PDE8B: variants seen among roughly 807,000 people sequenced by gnomAD.
The protein encoded by PDE8B is phosphodiesterase 8B, also known as high affinity cAMP-specific and IBMX-insensitive 3',5'-cyclic phosphodiesterase 8B.
PDE8B carries 26 observed loss-of-function variants against 101.3 expected under a neutral mutation model. That is an observed-to-expected ratio of 0.26 (90% CI 0.19 to 0.36). The LOEUF (loss-of-function observed/expected upper bound fraction) is 0.36, where lower values mean the gene tolerates loss of function less well. Among genes scored for constraint, PDE8B ranks in the 10% least tolerant of loss-of-function variants. The probability of loss-of-function intolerance (pLI) is 1.00; values close to 1 mark genes in which losing one functional copy is unlikely to be tolerated. For missense variants in PDE8B, 810 were observed against 1,163.1 expected, an observed-to-expected ratio of 0.70 and a Z score of 4.42; for synonymous variants, 424 against 429.3, an observed-to-expected ratio of 0.99 and a Z score of 0.15.
the PDE8B span, among the ~76,000 whole-genome samples, chr5:77,187,872 A>G: frequency 6.6e-6 from 1 of 152,230 alleles, no homozygotes; most frequent in Non-Finnish European, 1.5e-5. Context: ...CATTGTAAAT[A>G]TTACTCCTTT....
chr5:77,244,571 G>A (rs184410648), intron 1 of PDE8B, among the ~76,000 whole-genome samples: 55 of 152,222 alleles, frequency 3.6e-4, no homozygotes, highest in Non-Finnish European at 6.8e-4. Flanking sequence ...AGAAAGCAGA[G>A]ACTTTGAAAT....
At chr5:77,113,616 GACT>G in the PDE8B span, 3 of 152,186 alleles carry the variant, frequency 2.0e-5, no homozygotes, top group East Asian at 5.8e-4. Context: ...AAGACTTCAT[GACT>G]ACAACACCAA....
the PDE8B span, among the ~76,000 whole-genome samples, chr5:77,150,013 T>G: frequency 6.6e-6 from 1 of 152,204 alleles, no homozygotes. Flanking sequence ...GTGGGGTAAA[T>G]TCTTCCAGAC....
At chr5:77,145,595 CTTAA>C in the PDE8B span, 9 of 152,164 alleles carry the variant, frequency 5.9e-5, no homozygotes, top group Admixed American at 5.9e-4. Flanking sequence ...CTTTTGGAAG[CTTAA>C]TTGAGTTATC....
At chr5:77,282,022 A>G (rs1435795739) in intron 1 of PDE8B, among the ~76,000 whole-genome samples, 1 of 152,082 alleles carries the variant, frequency 6.6e-6, no homozygotes, top group African/African-American at 2.4e-5. Flanking sequence ...ATACTATCCC[A>G]TTTAACAGTC....
At chr5:77,384,361 GC>G (rs1289595655) in intron 10 of PDE8B, among the ~76,000 whole-genome samples, 1 of 152,168 alleles carries the variant, frequency 6.6e-6, no homozygotes, top group African/African-American at 2.4e-5. Context: ...TTGCTTATCA[GC>G]TTAAGGAGAT....
At position 77,408,931 on chromosome 5, in the gene PDE8B, A is replaced by C; in HGVS notation, c.1404A>C (p.Pro468=). 1 of 1,613,700 alleles carries C rather than the reference A, an allele frequency of 6.2e-7. No individual in the cohort carries two copies. The change falls in exon 14 of 22, where the codon CCA becomes CCC. Residue 468 remains proline, a synonymous_variant. Transcript: ENST00000264917. ...TCAATGCAGCCCAAGAAAACAGCCC[A>C]GTCACAGTAGCGGAAGCCTTGGACA... is the stretch of plus-strand genomic sequence containing the variant. ...NIINAAQENS[P]VTVAEALDRV...
chr5:77,388,722 A>G (rs569995261), intron 10 of PDE8B, among the ~76,000 whole-genome samples: 21 of 152,240 alleles, frequency 1.4e-4, no homozygotes, highest in African/African-American at 4.8e-4. Flanking sequence ...GGTTTTATCT[A>G]TAAGTCCCTG....
At chr5:77,238,084 A>T (rs1202481467) in intron 1 of PDE8B, among the ~76,000 whole-genome samples, 1 of 152,138 alleles carries the variant, frequency 6.6e-6, no homozygotes, top group Non-Finnish European at 1.5e-5. Flanking sequence ...CTTGGAGTTT[A>T]TCGTGTTTTG....
chr5:77,352,932 A>G (rs1781432016), intron 9 of PDE8B, among the ~76,000 whole-genome samples: 1 of 152,206 alleles, frequency 6.6e-6, no homozygotes, highest in Non-Finnish European at 1.5e-5. Context: ...AATATGGGAT[A>G]TTTAATATAA....
chr5:77,423,824 A>T (rs1485595604), intron 20 of PDE8B, among the ~76,000 whole-genome samples: 1 of 151,212 alleles, frequency 6.6e-6, no homozygotes, highest in Non-Finnish European at 1.5e-5. Flanking sequence ...TTTAGTAGAG[A>T]TGGGGTTTCC....
the PDE8B span, among the ~76,000 whole-genome samples, chr5:77,152,784 C>T: frequency 2.0e-5 from 3 of 152,156 alleles, no homozygotes; most frequent in Non-Finnish European, 4.4e-5. Context: ...CCCTCACCTC[C>T]GCAGCCGGAC....
chr5:77,193,221 C>T, the PDE8B span, among the ~76,000 whole-genome samples: 1 of 152,104 alleles, frequency 6.6e-6, no homozygotes, highest in Admixed American at 6.5e-5. Context: ...ATGCCTTTTA[C>T]ATTCTTTTAA....
chr5:77,123,792 G>A, the PDE8B span, among the ~76,000 whole-genome samples: 1 of 152,150 alleles, frequency 6.6e-6, no homozygotes, highest in Non-Finnish European at 1.5e-5. Flanking sequence ...GGAATAGGAT[G>A]AAATCCCATA....
the PDE8B span, chr5:77,146,818 T>A: frequency 2.8e-6 from 1 of 355,354 alleles, no homozygotes; most frequent in Non-Finnish European, 5.7e-6. Context: ...AAAGATCCCC[T>A]TTAGGACGAA....
At chr5:77,414,282 A>G (rs2151116165) in intron 17 of PDE8B, among the ~76,000 whole-genome samples, 1 of 152,366 alleles carries the variant, frequency 6.6e-6, no homozygotes. Context: ...AATGTGGCCC[A>G]AGAATGATGC....
At chr5:77,229,521 A>G (rs1753110801) in intron 1 of PDE8B, among the ~76,000 whole-genome samples, 1 of 152,218 alleles carries the variant, frequency 6.6e-6, no homozygotes, top group Non-Finnish European at 1.5e-5. Flanking sequence ...TTGTAAAACC[A>G]TTACTGCTAA....
chr5:77,423,632 G>GTTTTGTTTTTTTTT, intron 20 of PDE8B, among the ~76,000 whole-genome samples: 1 of 74,046 alleles, frequency 1.4e-5, no homozygotes, highest in Non-Finnish European at 2.6e-5. Flanking sequence ...GTTTTGTTTA[G>GTTTTGTTTTTTTTT]TTTTTTTTTT....
Position 77,363,100 on chromosome 5 carries a change from A to G in PDE8B, c.1167+9694A>G, listed in dbSNP as rs563447450. Among the ~76,000 whole-genome samples the G allele has an allele frequency of 4.6e-5, 7 of 152,288 alleles. No homozygotes were observed. In the East Asian group the frequency reaches 1.4e-3, roughly 29 times the overall value. The stretch of plus-strand genomic sequence containing the variant: ...GATGTCTTTCGTGTTGACACTTTGT[A>G]TCTGTTACTCTCCAAGTGCATTTCA... On this transcript the variant is annotated intron_variant, in intron 10 of 21. Transcript: ENST00000264917.
Sources: gnomAD v4.1 joint callset for allele counts (sites outside exome capture counted in the v4.1 genomes callset) on GRCh38, gnomAD v4.1.1 for gene constraint, MANE v1.5 for transcripts, NCBI Gene and HGNC (gene_info 2026-07-23, HGNC 2026-07-21) for gene names.